CACNA1A: variants seen among roughly 807,000 people sequenced by gnomAD.
CACNA1A encodes voltage-dependent P/Q-type calcium channel subunit alpha-1A.
A neutral mutation model predicts 262.4 loss-of-function variants in CACNA1A; 57 were observed. The observed-to-expected ratio is 0.22, with a 90% CI of 0.18 to 0.27. The LOEUF is 0.27. CACNA1A is among the 10% of genes least tolerant of loss of function. The pLI is 1.00. For synonymous variants in CACNA1A, 1,431 were observed against 1,419.3 expected (o/e 1.01, Z -0.18); for missense variants, 2,526 against 3,562.8 (o/e 0.71, Z 7.41).
Position 13,299,103 on chromosome 19 carries a change from T to G in CACNA1A, c.2530A>C (p.Thr844Pro). ...NTNKSRAAEP[T>P]VDQRLGQQRA... is the part of the protein sequence containing the mutation. ...TGCTGGCCGAGGCGCTGGTCCACGG[T>G]GGGCTCGGCCGCCCGGCTCTTGTTG... The change falls in exon 19 of 47, where the codon ACC becomes CCC. Residue 844 changes from threonine to proline, a missense_variant. Transcript: ENST00000360228. 1 of 1,612,140 alleles carries G rather than the reference T, an allele frequency of 6.2e-7. No individual in the cohort carries two copies. Among genetic ancestry groups the G allele is most frequent in the African/African-American group, 1.3e-5 (1 of 75,046 alleles).
At chr19:13,428,911 AAAC>A (rs2144816514) in intron 3 of CACNA1A, among the ~76,000 whole-genome samples, 1 of 152,174 alleles carries the variant, frequency 6.6e-6, no homozygotes, top group Admixed American at 6.5e-5. Context: ...AAAAGGAGGA[AAAC>A]AACAGTGGTG....
intron 3 of CACNA1A, among the ~76,000 whole-genome samples, chr19:13,420,283 A>G (rs533161449): frequency 6.6e-6 from 1 of 151,696 alleles, no homozygotes; most frequent in African/African-American, 2.4e-5. Context: ...AAGGAGGCTC[A>G]CTTCATGGTC....
At chr19:13,467,588 C>T (rs1231488419) in intron 1 of CACNA1A, among the ~76,000 whole-genome samples, 1 of 150,904 alleles carries the variant, frequency 6.6e-6, no homozygotes, top group Non-Finnish European at 1.5e-5. Context: ...AGAGGGGATG[C>T]ACACTGACTT....
At chr19:13,218,346 CTGAG>C (rs1355709660) in intron 38 of CACNA1A, among the ~76,000 whole-genome samples, 6 of 152,286 alleles carry the variant, frequency 3.9e-5, no homozygotes, top group African/African-American at 1.4e-4. Flanking sequence ...GGACTGGAGA[CTGAG>C]TAACTACGTC....
chr19:13,305,583 C>G (rs1188140373), intron 15 of CACNA1A, among the ~76,000 whole-genome samples: 2 of 152,186 alleles, frequency 1.3e-5, no homozygotes, highest in African/African-American at 2.4e-5. Flanking sequence ...TGGGGCTGTC[C>G]TGTGCATTGT....
chr19:13,300,624 C>T lies in CACNA1A; in HGVS notation c.2205G>A (p.Gln735=). 6.2e-7 allele frequency: 1 copy of T among 1,613,948 alleles called. No individual in the cohort carries two copies. The highest frequency in any genetic ancestry group is 8.5e-7 in the Non-Finnish European group (1 of 1,179,864). Residue 735 remains glutamine (Q), a synonymous_variant, in exon 18 of 47, where the codon CAG becomes CAA. Transcript: ENST00000360228. The stretch of plus-strand genomic sequence containing the variant: ...CCTTGGCTTTCTGTAGGGCAAGTTT[C>T]TGGTTCGCTGCTTCTTCTTCCTCTT... ...DEQEEEEAAN[Q]KLALQKAKEV... is the part of the protein sequence containing the mutation.
intron 10 of CACNA1A, among the ~76,000 whole-genome samples, chr19:13,322,484 T>C (rs1361315556): frequency 2.0e-5 from 3 of 152,180 alleles, no homozygotes; most frequent in Non-Finnish European, 4.4e-5. Context: ...TGTGACATTT[T>C]GTAATGGCAA....
intron 24 of CACNA1A, among the ~76,000 whole-genome samples, chr19:13,269,988 T>C (rs1022714210): frequency 6.6e-6 from 1 of 152,196 alleles, no homozygotes; most frequent in Non-Finnish European, 1.5e-5. Context: ...AATAACCTTA[T>C]GCTCCCTTCC....
chr19:13,411,289 G>A (rs2060105158), intron 3 of CACNA1A, among the ~76,000 whole-genome samples: 1 of 152,112 alleles, frequency 6.6e-6, no homozygotes, highest in Non-Finnish European at 1.5e-5. Flanking sequence ...TTGCCCATGT[G>A]ATAGGGTTTG....
intron 3 of CACNA1A, among the ~76,000 whole-genome samples, chr19:13,396,986 TTCTC>T (rs992489536): frequency 1.3e-5 from 2 of 152,204 alleles, no homozygotes; most frequent in South Asian, 4.1e-4. Flanking sequence ...TCGCGATGGC[TTCTC>T]TCTGAGGACC....
At chr19:13,437,574 C>G (rs975964234) in intron 3 of CACNA1A, among the ~76,000 whole-genome samples, 1 of 151,448 alleles carries the variant, frequency 6.6e-6, no homozygotes, top group Non-Finnish European at 1.5e-5. Flanking sequence ...TCCTGTAATC[C>G]CAGCTACTCA....
intron 1 of CACNA1A, among the ~76,000 whole-genome samples, chr19:13,505,662 C>G (rs1982936942): frequency 6.6e-6 from 1 of 152,004 alleles, no homozygotes; most frequent in Non-Finnish European, 1.5e-5. Flanking sequence ...AGATCTCATT[C>G]TAGAGTCGGT....
chr19:13,210,926 G>A (rs1209362292), intron 43 of CACNA1A: 13 of 549,250 alleles, frequency 2.4e-5, no homozygotes, highest in Non-Finnish European at 3.9e-5. Flanking sequence ...AAATGGCAGA[G>A]GCATGGGACC....
At chr19:13,278,802 T>C (rs1386394406) in intron 22 of CACNA1A, among the ~76,000 whole-genome samples, 1 of 152,126 alleles carries the variant, frequency 6.6e-6, no homozygotes, top group East Asian at 1.9e-4. Context: ...ATCTGTGTGG[T>C]TATAACTTAT....
chr19:13,427,847 C>T (rs1327645131), intron 3 of CACNA1A, among the ~76,000 whole-genome samples: 1 of 152,148 alleles, frequency 6.6e-6, no homozygotes, highest in African/African-American at 2.4e-5. Context: ...GGTCTGAATC[C>T]CAGCTCTACC....
chr19:13,440,336 T>C (rs1242022380), intron 3 of CACNA1A, among the ~76,000 whole-genome samples: 1 of 152,092 alleles, frequency 6.6e-6, no homozygotes, highest in Non-Finnish European at 1.5e-5. Context: ...CTTCAACTTA[T>C]TAGTGAGGGT....
chr19:13,396,830 C>T (rs1219077217), intron 3 of CACNA1A, among the ~76,000 whole-genome samples: 1 of 147,060 alleles, frequency 6.8e-6, no homozygotes, highest in Non-Finnish European at 1.5e-5. Flanking sequence ...GCTCCGTTTC[C>T]GGTTTGGTTT....
At chr19:13,235,773 A>G in intron 31 of CACNA1A, 43 bp from the exon 32 acceptor site, 1 of 1,434,798 alleles carries the variant, frequency 7.0e-7, no homozygotes. Context: ...ACCCACCCCA[A>G]AAGGCTCAGA....
chr19:13,206,553 A>G lies in CACNA1A; in HGVS notation c.*760T>C, dbSNP rs2054575173. 1 of 153,794 alleles carries G rather than the reference A, an allele frequency of 6.5e-6. No homozygotes were observed. The highest frequency in any genetic ancestry group is 1.5e-5 in the Non-Finnish European group (1 of 68,206). The allele number at this position is 153,794 out of a possible 1,614,324, so 9.5% of individuals were successfully genotyped here. On this transcript the variant is annotated 3_prime_UTR_variant, in exon 47 of 47. Transcript: ENST00000360228. ...TAGGAAAAAAGGAAAAAAGAAGCAA[A>G]GGAATCGGTGGTGATGGTGGGTTTT...
Sources: allele counts gnomAD v4.1 joint callset (sites outside exome capture counted in the v4.1 genomes callset), GRCh38; gene constraint gnomAD v4.1.1; transcripts MANE v1.5; gene names NCBI Gene and HGNC (gene_info 2026-07-23, HGNC 2026-07-21).